The following PLCG2 variants were observed in gnomAD, a reference collection of about 807,000 sequenced individuals.
PLCG2 encodes 1-phosphatidylinositol 4,5-bisphosphate phosphodiesterase gamma-2.
Under a neutral mutation model 175.6 loss-of-function variants are expected in PLCG2, and 69 were observed. The observed-to-expected ratio is 0.39, with a 90% CI of 0.32 to 0.48. The LOEUF (loss-of-function observed/expected upper bound fraction) is 0.48. Ranked by LOEUF, PLCG2 falls within the 20% of genes least tolerant of loss-of-function variation. The probability of loss-of-function intolerance (pLI) is 0.91; values close to 1 mark genes in which losing one functional copy is unlikely to be tolerated. For missense variants in PLCG2, 1,798 were observed against 1,650.9 expected, an observed-to-expected ratio of 1.09 and a Z score of -1.54; for synonymous variants, 827 against 624.0, an observed-to-expected ratio of 1.33 and a Z score of -4.85.
At chr16:81,891,711 C>T in intron 11 of PLCG2, 121 bp downstream of exon 11, 2 of 629,264 alleles carry the variant, frequency 3.2e-6, no homozygotes, top group Non-Finnish European at 5.8e-6. Flanking sequence ...TGTAGCACCG[C>T]ATTCCTTGGA....
intron 2 of PLCG2, among the ~76,000 whole-genome samples, chr16:81,793,916 T>C (rs1045255808): frequency 3.3e-5 from 5 of 152,246 alleles, no homozygotes; most frequent in African/African-American, 1.2e-4. Flanking sequence ...TCTCAAGTCT[T>C]CTTCCTGCTC....
chr16:81,824,052 TCCTGTCCTG>T (rs1567483158), intron 2 of PLCG2, among the ~76,000 whole-genome samples: 10,040 of 69,420 alleles, frequency 0.14, 715 homozygotes, highest in East Asian at 0.17. Context: ...TCCTTTCCTG[TCCTGTCCTG>T]TCCTGTCCTG....
At chr16:81,944,436 G>T (rs1319716805) in intron 30 of PLCG2, among the ~76,000 whole-genome samples, 2 of 152,142 alleles carry the variant, frequency 1.3e-5, no homozygotes, top group African/African-American at 4.8e-5. Context: ...GGGAGGATGT[G>T]CATAGGTTAT....
intron 2 of PLCG2, among the ~76,000 whole-genome samples, chr16:81,768,898 T>A (rs1178882650): frequency 6.6e-6 from 1 of 152,146 alleles, no homozygotes; most frequent in Non-Finnish European, 1.5e-5. Context: ...TTAACCATTT[T>A]AATAGGTGCG....
upstream of PLCG2, among the ~76,000 whole-genome samples, chr16:81,776,083 C>CGTTCGTTCTT (rs1413572575): frequency 1.2e-5 from 1 of 81,844 alleles, no homozygotes; most frequent in African/African-American, 4.3e-5. Flanking sequence ...TTCTCTCTCT[C>CGTTCGTTCTT]TCTCTCTTTC....
At chr16:81,850,406 G>C (rs1043225020) in intron 2 of PLCG2, among the ~76,000 whole-genome samples, 4 of 152,164 alleles carry the variant, frequency 2.6e-5, no homozygotes, top group African/African-American at 9.7e-5. Context: ...CTGTTTGTTT[G>C]TTTTTGAGGA....
At chr16:81,773,337 T>C (rs1034629467) in intron 2 of PLCG2, among the ~76,000 whole-genome samples, 17 of 152,162 alleles carry the variant, frequency 1.1e-4, no homozygotes, top group African/African-American at 4.1e-4. Context: ...GTGAGATCAT[T>C]GATAGCCTTT....
At chr16:81,891,048 A>G (rs1908607207) in intron 10 of PLCG2, among the ~76,000 whole-genome samples, 2 of 152,104 alleles carry the variant, frequency 1.3e-5, no homozygotes, top group South Asian at 4.1e-4. Flanking sequence ...CTGTTATCCT[A>G]GCTGCTTGGG....
rs1057519831 is a variant in PLCG2 at position 81,912,655 on chromosome 16, C to T, written c.1993C>T (p.Arg665Trp). 1.2e-6 allele frequency: 2 copies of T among 1,612,904 alleles called. No homozygotes were observed. The highest frequency in any genetic ancestry group is 1.7e-6 in the Non-Finnish European group (2 of 1,179,642). The stretch of plus-strand genomic sequence containing the variant: ...AGAGGACATGCTGATGAGGATTCCC[C>T]GGGACGGGGCCTTCCTGATCCGGAA... ...EAEDMLMRIP[R>W]DGAFLIRKRE... Residue 665 changes from arginine (R) to tryptophan (W), a missense_variant, in exon 19 of 33, where the codon CGG becomes TGG. Physicochemically the swap from Arg to Trp is moderately radical, Grantham distance 101 (BLOSUM62 -3). Transcript: ENST00000564138.
Position 81,962,440 on chromosome 16 carries a change from A to G in PLCG2, c.*4442A>G. 4.6e-6 allele frequency: 1 copy of G among 215,984 alleles called. No individual in the cohort carries two copies. 13.4% of individuals were successfully genotyped at this position (215,984 alleles called of 1,614,324 possible). A position where few individuals can be genotyped will look rare whatever the true frequency, so the allele number is the denominator to read the frequency against. ...TTTTCAAAATATTTTCTTTTTGAAG[A>G]GCCAGATTCCAGTGATCCTGCCTCT... On this transcript the variant is annotated 3_prime_UTR_variant, in exon 33 of 33. Coordinates refer to ENST00000564138, the MANE Select transcript of PLCG2 (RefSeq NM_002661.5).
upstream of PLCG2, among the ~76,000 whole-genome samples, chr16:81,776,189 A>C (rs556476187): frequency 6.7e-6 from 1 of 149,400 alleles, no homozygotes; most frequent in East Asian, 2.0e-4. Flanking sequence ...GCTCACTGCA[A>C]GCTCCACCTC....
chr16:81,770,336 A>G (rs1490758176), intron 2 of PLCG2, among the ~76,000 whole-genome samples: 2 of 152,232 alleles, frequency 1.3e-5, no homozygotes, highest in Non-Finnish European at 2.9e-5. Context: ...AACAACTAAG[A>G]CATGCATAGT....
At chr16:81,904,795 A>C (rs1420022969) in intron 14 of PLCG2, among the ~76,000 whole-genome samples, 1 of 152,222 alleles carries the variant, frequency 6.6e-6, no homozygotes, top group African/African-American at 2.4e-5. Flanking sequence ...GAAGACAAAC[A>C]CATGGTGTGT....
chr16:81,946,217 T>A lies in PLCG2; in HGVS notation c.3524T>A (p.Ile1175Lys). 6.2e-7 allele frequency: 1 copy of A among 1,613,982 alleles called. No individual in the cohort carries two copies. The highest frequency in any genetic ancestry group is 8.5e-7 in the Non-Finnish European group (1 of 1,179,864). ...VPLKNGYSEDIELASLLVFCE... is the reference protein window; with the variant it reads ...VPLKNGYSEDKELASLLVFCE... Reference sequence around the variant, plus strand: ...CTGAAGAATGGGTACAGCGAGGACATAGAGCTGGCTTCCCTCCTGGTTTTC... The same window carrying A: ...CTGAAGAATGGGTACAGCGAGGACAAAGAGCTGGCTTCCCTCCTGGTTTTC... The change falls in exon 31 of 33, where the codon ATA becomes AAA. Residue 1175 changes from isoleucine to lysine, a missense_variant. Coordinates refer to ENST00000564138, the MANE Select transcript of PLCG2 (RefSeq NM_002661.5).
Position 81,903,342 on chromosome 16 carries a change from C to G in PLCG2, c.1363-2061C>G, listed in dbSNP as rs192096640. ...AGACAAACCCGTCAACAGAGAAACACCAAACAGTGCAAGGAGCTTTGGCCA... is the reference window on the plus strand; with the variant it reads ...AGACAAACCCGTCAACAGAGAAACAGCAAACAGTGCAAGGAGCTTTGGCCA... On this transcript the variant is annotated intron_variant, in intron 14 of 32. Coordinates refer to ENST00000564138, the MANE Select transcript of PLCG2 (RefSeq NM_002661.5). Among the ~76,000 whole-genome samples the G allele has an allele frequency of 3.6e-3, 555 of 152,310 alleles. 11 individuals carry two copies. The highest frequency in any genetic ancestry group is 0.032 in the Admixed American group (484 of 15,302).
At chr16:81,831,142 C>A (rs186908253) in intron 2 of PLCG2, among the ~76,000 whole-genome samples, 2 of 152,320 alleles carry the variant, frequency 1.3e-5, no homozygotes, top group Admixed American at 1.3e-4. Context: ...ACACACCATG[C>A]TTTGCTCTTC....
At position 81,787,393 on chromosome 16, in the gene PLCG2, A is replaced by ATTTTTTTTTTTTTTTTTT. The variant is rs67160306; in HGVS notation, c.193+1212_193+1229dup. On this transcript the variant is annotated intron_variant, in intron 2 of 32. Transcript: ENST00000564138. ...TGCACCGCCATGCCTGGATAATTTAATTTTTTTTTTTTTTTTTTGTAGAGA... is the reference window on the plus strand; with the variant it reads ...TGCACCGCCATGCCTGGATAATTTAATTTTTTTTTTTTTTTTTTTTTTTTTTTTTTTTTTTTGTAGAGA... Among the ~76,000 whole-genome samples, 52 of 94,552 alleles carry ATTTTTTTTTTTTTTTTTT rather than the reference A, an allele frequency of 5.5e-4. 1 individual carries two copies. Among genetic ancestry groups the ATTTTTTTTTTTTTTTTTT allele is most frequent in the African/African-American group, 9.6e-4 (21 of 21,856 alleles). 62.0% of individuals were successfully genotyped at this position (94,552 alleles called of 152,430 possible).
At chr16:81,889,737 C>T (rs996798678) in intron 10 of PLCG2, among the ~76,000 whole-genome samples, 1 of 152,108 alleles carries the variant, frequency 6.6e-6, no homozygotes, top group Non-Finnish European at 1.5e-5. Context: ...TCACTGCAAC[C>T]TCCGCCTCCC....
At chr16:81,805,935 C>T (rs1012919580) in intron 2 of PLCG2, among the ~76,000 whole-genome samples, 5 of 151,784 alleles carry the variant, frequency 3.3e-5, no homozygotes, top group Admixed American at 1.3e-4. Context: ...CCACTGTACG[C>T]AGTCATGTGT....
Sources: allele counts gnomAD v4.1 joint callset (sites outside exome capture counted in the v4.1 genomes callset), GRCh38; gene constraint gnomAD v4.1.1; transcripts MANE v1.5; gene names NCBI Gene and HGNC (gene_info 2026-07-23, HGNC 2026-07-21).